Variants in MACROH2A1 observed in about 807,000 individuals in gnomAD.
MACROH2A1 encodes core histone macro-H2A.1.
In MACROH2A1, 2 loss-of-function variants were observed where a neutral mutation model predicts 31.6. That is an observed-to-expected ratio of 0.06 (90% CI 0.03 to 0.20). The LOEUF is 0.20. MACROH2A1 is among the 10% of genes least tolerant of loss of function. The pLI, the probability that MACROH2A1 is intolerant of heterozygous loss-of-function variation, is 1.00. For missense variants in MACROH2A1, 230 were observed against 474.0 expected, an observed-to-expected ratio of 0.49 and a Z score of 4.78; for synonymous variants, 169 against 189.6, an observed-to-expected ratio of 0.89 and a Z score of 0.89.
chr5:135,354,732 T>G, intron 5 of MACROH2A1: 2 of 285,256 alleles, frequency 7.0e-6, no homozygotes, highest in Non-Finnish European at 1.4e-5. Context: ...GGCCTTAGGG[T>G]AAGGCAAGTG....
chr5:135,380,640 G>A (rs1404479050), intron 2 of MACROH2A1, among the ~76,000 whole-genome samples: 1 of 152,140 alleles, frequency 6.6e-6, no homozygotes, highest in Non-Finnish European at 1.5e-5. Flanking sequence ...GGGGTCTAGG[G>A]GTGTTGAGGG....
intron 5 of MACROH2A1, 30 bp downstream of exon 5, chr5:135,360,467 C>T (rs759234128): frequency 4.2e-6 from 6 of 1,420,768 alleles, no homozygotes; most frequent in South Asian, 3.4e-5. Context: ...TTGGGGCCCT[C>T]GAGTAGACTG....
intron 2 of MACROH2A1, among the ~76,000 whole-genome samples, chr5:135,378,153 C>A (rs1040105612): frequency 2.0e-5 from 3 of 152,248 alleles, no homozygotes; most frequent in Non-Finnish European, 2.9e-5. Context: ...CTCAGTGCCA[C>A]TGAGTGACAC....
At chr5:135,381,394 A>T (rs1468777403) in intron 2 of MACROH2A1, among the ~76,000 whole-genome samples, 2 of 152,200 alleles carry the variant, frequency 1.3e-5, no homozygotes, top group Non-Finnish European at 2.9e-5. Context: ...TGAATATAAA[A>T]TAATCATGTG....
chr5:135,384,113 A>G (rs1181000394), intron 2 of MACROH2A1, among the ~76,000 whole-genome samples: 1 of 152,214 alleles, frequency 6.6e-6, no homozygotes, highest in Non-Finnish European at 1.5e-5. Context: ...CAATCTTCCA[A>G]GCTTGTAGGA....
chr5:135,383,698 GTGGTGTGT>G (rs1765972934), intron 2 of MACROH2A1, among the ~76,000 whole-genome samples: 1 of 131,450 alleles, frequency 7.6e-6, no homozygotes, highest in Admixed American at 7.8e-5. Flanking sequence ...GTGATGTGGT[GTGGTGTGT>G]GTGTGTGTGT....
intron 1 of MACROH2A1, among the ~76,000 whole-genome samples, chr5:135,395,626 T>C (rs1767862388): frequency 6.6e-6 from 1 of 152,182 alleles, no homozygotes; most frequent in Admixed American, 6.5e-5. Flanking sequence ...TTTACTCCTA[T>C]CACACCAAAT....
intron 8 of MACROH2A1, among the ~76,000 whole-genome samples, chr5:135,339,240 C>A (rs1427971976): frequency 6.6e-6 from 1 of 152,210 alleles, no homozygotes; most frequent in Non-Finnish European, 1.5e-5. Flanking sequence ...TTCCCAGGGC[C>A]AGTGCAAGAT....
At chr5:135,382,639 C>G (rs115839214) in intron 2 of MACROH2A1, among the ~76,000 whole-genome samples, 4,761 of 152,274 alleles carry the variant, frequency 0.031, 266 homozygotes, top group African/African-American at 0.11. Flanking sequence ...TAAATAATTA[C>G]TAAGCTGGTC....
At position 135,379,349 on chromosome 5, in the gene MACROH2A1, G is replaced by C. The variant is rs75009487; in HGVS notation, c.173-9207C>G. On this transcript the variant is annotated intron_variant, in intron 2 of 8. Transcript: ENST00000511689. ...AATGGAAGATGCACTTGCCTAAAAA[G>C]GAAGCAGGTGGGGTGGGAAGAGGAG... is the stretch of plus-strand genomic sequence containing the variant. 1.8e-4 allele frequency among the ~76,000 whole-genome samples: 28 copies of C among 152,298 alleles called. No homozygotes were observed. The East Asian group carries it at 4.3e-3, about 23-fold the overall frequency.
chr5:135,351,992 C>T (rs568885107), intron 6 of MACROH2A1, among the ~76,000 whole-genome samples: 2 of 152,112 alleles, frequency 1.3e-5, no homozygotes, highest in South Asian at 4.1e-4. Flanking sequence ...TGAGTCCAGT[C>T]CTCATGTTTT....
At chr5:135,394,768 A>T (rs896331322) in intron 1 of MACROH2A1, among the ~76,000 whole-genome samples, 4 of 152,108 alleles carry the variant, frequency 2.6e-5, no homozygotes, top group African/African-American at 9.7e-5. Context: ...TCTTGATGAA[A>T]CGAACCAATT....
intron 2 of MACROH2A1, among the ~76,000 whole-genome samples, chr5:135,383,705 GTGT>G (rs1173591230): frequency 4.1e-5 from 4 of 98,028 alleles, no homozygotes; most frequent in African/African-American, 2.1e-4. Context: ...GGTGTGGTGT[GTGT>G]GTGTGTGTGT....
intron 8 of MACROH2A1, among the ~76,000 whole-genome samples, chr5:135,336,640 GACTA>G (rs10618285): frequency 0.1 from 14,183 of 137,912 alleles, 1,270 homozygotes; most frequent in African/African-American, 0.33. Context: ...GGTGATTCTA[GACTA>G]GACTAACAGG....
chr5:135,343,215 G>A (rs369964335), intron 8 of MACROH2A1, 45 bp downstream of exon 8: 8 of 1,610,442 alleles, frequency 5.0e-6, no homozygotes, highest in Non-Finnish European at 5.1e-6. Context: ...TGTGTGCGCA[G>A]AGAGACACAC....
At chr5:135,338,031 G>A (rs956995306) in intron 8 of MACROH2A1, 20 of 1,147,488 alleles carry the variant, frequency 1.7e-5, no homozygotes, top group African/African-American at 1.6e-4. Context: ...CTTTCCTAAC[G>A]TTTTCTGGTG....
chr5:135,346,901 A>G (rs961897147), intron 6 of MACROH2A1: 19 of 152,234 alleles, frequency 1.2e-4, no homozygotes, highest in Non-Finnish European at 5.9e-5. Flanking sequence ...ACCAACACCT[A>G]TGAGAACTCT....
chr5:135,373,366 C>T (rs1995358), intron 2 of MACROH2A1, among the ~76,000 whole-genome samples: 22,221 of 152,078 alleles, frequency 0.15, 3,141 homozygotes, highest in African/African-American at 0.37. Flanking sequence ...CAGAAAGCAA[C>T]AGAGTAGCCC....
At chr5:135,378,761 A>C (rs890147087) in intron 2 of MACROH2A1, among the ~76,000 whole-genome samples, 20 of 152,242 alleles carry the variant, frequency 1.3e-4, no homozygotes, top group East Asian at 1.9e-4. Context: ...GCATTTAATC[A>C]GTGCCTAGCA....
Sources: gnomAD v4.1 joint callset for allele counts (sites outside exome capture counted in the v4.1 genomes callset) on GRCh38, gnomAD v4.1.1 for gene constraint, MANE v1.5 for transcripts, NCBI Gene and HGNC (gene_info 2026-07-23, HGNC 2026-07-21) for gene names.